The following SUPT3H variants were observed in gnomAD, a reference collection of about 807,000 sequenced individuals.
SUPT3H encodes SPT3 homolog, SAGA and STAGA complex component.
Under a neutral mutation model 44.3 loss-of-function variants are expected in SUPT3H, and 44 were observed. The observed-to-expected ratio is 0.99, with a 90% CI of 0.78 to 1.28. SUPT3H has a LOEUF of 1.28. Among genes scored for constraint, SUPT3H ranks in the 50% most tolerant of loss-of-function variants. The probability of loss-of-function intolerance (pLI) is 0.00; values close to 1 mark genes in which losing one functional copy is unlikely to be tolerated. For missense variants in SUPT3H, 380 were observed against 387.1 expected (o/e 0.98, Z 0.15); for synonymous variants, 124 against 125.6 (o/e 0.99, Z 0.09).
intron 2 of SUPT3H, among the ~76,000 whole-genome samples, chr6:45,311,508 G>A (rs967620316): frequency 1.3e-5 from 2 of 152,182 alleles, no homozygotes; most frequent in African/African-American, 4.8e-5. Context: ...TAGGCACACT[G>A]TCGTCAGGTT....
intron 2 of SUPT3H, among the ~76,000 whole-genome samples, chr6:45,310,280 C>T (rs1246386713): frequency 6.6e-6 from 1 of 152,018 alleles, no homozygotes; most frequent in Non-Finnish European, 1.5e-5. Context: ...AGCAAGACGG[C>T]CCAAGTAGAG....
intron 2 of SUPT3H, among the ~76,000 whole-genome samples, chr6:45,360,917 T>C (rs1794137861): frequency 6.6e-6 from 1 of 152,182 alleles, no homozygotes; most frequent in South Asian, 2.1e-4. Flanking sequence ...TGTCTCCTTC[T>C]CTACTGCTAG....
At chr6:45,036,346 G>A (rs1787674454) in intron 3 of SUPT3H, among the ~76,000 whole-genome samples, 1 of 152,014 alleles carries the variant, frequency 6.6e-6, no homozygotes, top group South Asian at 2.1e-4. Context: ...ACATGTTGGA[G>A]GAAAGGGAAG....
At chr6:45,211,909 A>C (rs1764158945) in intron 2 of SUPT3H, among the ~76,000 whole-genome samples, 1 of 151,824 alleles carries the variant, frequency 6.6e-6, no homozygotes, top group Non-Finnish European at 1.5e-5. Flanking sequence ...CACATGTGTA[A>C]TCCTAGCACT....
intron 2 of SUPT3H, among the ~76,000 whole-genome samples, chr6:45,363,041 C>A (rs1378405211): frequency 6.6e-6 from 1 of 151,368 alleles, no homozygotes; most frequent in Non-Finnish European, 1.5e-5. Flanking sequence ...TTTTTGTAGT[C>A]TTCTTCTTAA....
rs202157712 is a variant in SUPT3H at position 45,208,738 on chromosome 6, C to A, written c.102-102732G>T. On this transcript the variant is annotated intron_variant, in intron 2 of 10. Coordinates refer to ENST00000371459, the MANE Select transcript of SUPT3H (RefSeq NM_003599.4). ...GACTCTGTCTCAAAAAAAAAAAAAA[C>A]AAACAAAAAAATTCTCAGTGGAAAC... 2.9e-3 allele frequency among the ~76,000 whole-genome samples: 89 copies of A among 31,168 alleles called. 5 individuals are homozygous for A. Among genetic ancestry groups the A allele is most frequent in the African/African-American group, 7.1e-3 (55 of 7,706 alleles). 20.4% of individuals were successfully genotyped at this position (31,168 alleles called of 152,430 possible). A position where few individuals can be genotyped will look rare whatever the true frequency, so the allele number is the denominator to read the frequency against.
intron 10 of SUPT3H, among the ~76,000 whole-genome samples, chr6:44,929,769 CTT>C (rs35174513): frequency 0.35 from 49,976 of 143,828 alleles, 9,251 homozygotes; most frequent in Admixed American, 0.42. Context: ...CATGAGCTCC[CTT>C]TTTTTTTTTT....
At chr6:45,236,715 G>T (rs945912546) in intron 2 of SUPT3H, among the ~76,000 whole-genome samples, 2 of 151,950 alleles carry the variant, frequency 1.3e-5, no homozygotes, top group African/African-American at 4.8e-5. Flanking sequence ...TGATTTAGAG[G>T]CTTGGCAGTT....
intron 2 of SUPT3H, among the ~76,000 whole-genome samples, chr6:45,139,874 A>G (rs576236208): frequency 6.6e-5 from 10 of 152,216 alleles, no homozygotes; most frequent in Admixed American, 6.5e-4. Flanking sequence ...AATAATTTTG[A>G]CTGGGCACAA....
At chr6:45,327,924 T>C (rs897065336) in intron 2 of SUPT3H, among the ~76,000 whole-genome samples, 1 of 151,892 alleles carries the variant, frequency 6.6e-6, no homozygotes, top group Non-Finnish European at 1.5e-5. Context: ...ATTTTGTTCA[T>C]TTTTCCACAG....
intron 3 of SUPT3H, among the ~76,000 whole-genome samples, chr6:45,043,591 T>C (rs772097235): frequency 1.3e-5 from 2 of 152,142 alleles, no homozygotes; most frequent in African/African-American, 2.4e-5. Flanking sequence ...TAGATGCTTT[T>C]TAGAATTGGA....
At chr6:45,063,455 C>T (rs9463064) in intron 3 of SUPT3H, among the ~76,000 whole-genome samples, 13,593 of 142,768 alleles carry the variant, frequency 0.095, 699 homozygotes, top group African/African-American at 0.15. Context: ...CAAAGCTGGA[C>T]GGAGAATGAC....
At chr6:45,131,518 T>C (rs1158980744) in intron 2 of SUPT3H, among the ~76,000 whole-genome samples, 1 of 152,110 alleles carries the variant, frequency 6.6e-6, no homozygotes, top group Non-Finnish European at 1.5e-5. Flanking sequence ...ACCTCAAGTA[T>C]AGATGGGTTT....
Position 45,299,335 on chromosome 6 carries a change from C to CAAA in SUPT3H, c.101+65863_101+65865dup, listed in dbSNP as rs10657198. 3.8e-3 allele frequency among the ~76,000 whole-genome samples: 532 copies of CAAA among 138,270 alleles called. 4 individuals are homozygous for CAAA. Among genetic ancestry groups the CAAA allele is most frequent in the African/African-American group, 0.013 (469 of 37,130 alleles). The allele number at this position is 138,270 out of a possible 152,430, so 90.7% of individuals were successfully genotyped here. A position where few individuals can be genotyped will look rare whatever the true frequency, so the allele number is the denominator to read the frequency against. On this transcript the variant is annotated intron_variant, in intron 2 of 10. Transcript: ENST00000371459. ...TGGGCAACACAGCAAGACTCTGCCT[C>CAAA]AAAAAAAAAAAAAAGAATTGTATGA...
At chr6:45,099,984 C>T (rs1215802148) in intron 3 of SUPT3H, among the ~76,000 whole-genome samples, 4 of 151,954 alleles carry the variant, frequency 2.6e-5, no homozygotes, top group South Asian at 2.1e-4. Context: ...AGAATATTCC[C>T]GAGAATGGTG....
At chr6:45,112,633 G>C (rs984370807) in intron 2 of SUPT3H, among the ~76,000 whole-genome samples, 39 of 152,206 alleles carry the variant, frequency 2.6e-4, no homozygotes, top group African/African-American at 8.9e-4. Context: ...GGGAAGTGCT[G>C]ATTAAGTTTC....
intron 6 of SUPT3H, among the ~76,000 whole-genome samples, chr6:44,963,489 C>G (rs1298789666): frequency 6.6e-6 from 1 of 151,012 alleles, no homozygotes; most frequent in African/African-American, 2.4e-5. Flanking sequence ...GACTCCGTCT[C>G]AAACAAACAA....
intron 10 of SUPT3H, among the ~76,000 whole-genome samples, chr6:44,889,380 C>T (rs1762890517): frequency 6.6e-6 from 1 of 152,174 alleles, no homozygotes; most frequent in Non-Finnish European, 1.5e-5. Flanking sequence ...TACAAGGCTA[C>T]AGTAACCAAA....
intron 5 of SUPT3H, among the ~76,000 whole-genome samples, chr6:45,013,979 C>G (rs538518604): frequency 6.6e-6 from 1 of 151,948 alleles, no homozygotes; most frequent in Non-Finnish European, 1.5e-5. Context: ...GCTTGCTGTA[C>G]GTGCTTAGGA....
Sources: gnomAD v4.1 joint callset for allele counts (sites outside exome capture counted in the v4.1 genomes callset) on GRCh38, gnomAD v4.1.1 for gene constraint, MANE v1.5 for transcripts, NCBI Gene and HGNC (gene_info 2026-07-23, HGNC 2026-07-21) for gene names.